The following TANGO6 variants were observed in gnomAD, a reference collection of about 807,000 sequenced individuals.
The protein encoded by TANGO6 is transport and Golgi organization protein 6 homolog.
Under a neutral mutation model 114.2 loss-of-function variants are expected in TANGO6, and 90 were observed. The ratio of observed to expected loss-of-function variants is 0.79; its 90% CI spans 0.66 to 0.94. The LOEUF (loss-of-function observed/expected upper bound fraction) is 0.94, where lower values mean the gene tolerates loss of function less well. TANGO6 is among the 40% of genes least tolerant of loss of function. TANGO6 has a pLI of 0.00. For missense variants in TANGO6, 1,274 were observed against 1,315.3 expected, an observed-to-expected ratio of 0.97 and a Z score of 0.49; for synonymous variants, 477 against 509.8, an observed-to-expected ratio of 0.94 and a Z score of 0.87.
chr16:68,941,232 A>G (rs1026835258), intron 14 of TANGO6, among the ~76,000 whole-genome samples: 1 of 152,156 alleles, frequency 6.6e-6, no homozygotes, highest in Non-Finnish European at 1.5e-5. Flanking sequence ...ACAAAAGTAC[A>G]CTCTGTCAAC....
intron 14 of TANGO6, among the ~76,000 whole-genome samples, chr16:68,968,597 TCA>T (rs1230536643): frequency 1.1e-4 from 16 of 151,686 alleles, no homozygotes; most frequent in Middle Eastern, 6.8e-3. Context: ...ACTCCTGACC[TCA>T]GGTGGTCCAC....
At chr16:68,903,648 G>A (rs538398728) in intron 9 of TANGO6, among the ~76,000 whole-genome samples, 7 of 143,992 alleles carry the variant, frequency 4.9e-5, no homozygotes, top group Non-Finnish European at 7.6e-5. Flanking sequence ...AGGACCAGGC[G>A]TGGTGGCTCA....
intron 14 of TANGO6, among the ~76,000 whole-genome samples, chr16:68,962,746 A>G (rs1021693722): frequency 1.3e-5 from 2 of 151,574 alleles, no homozygotes; most frequent in African/African-American, 4.8e-5. Flanking sequence ...GGGCAACAAG[A>G]GCAAAACTCT....
At chr16:68,967,944 T>C (rs933502020) in intron 14 of TANGO6, among the ~76,000 whole-genome samples, 1 of 152,150 alleles carries the variant, frequency 6.6e-6, no homozygotes, top group Non-Finnish European at 1.5e-5. Context: ...TGTGGGATCA[T>C]CTTGAAGTCA....
At chr16:69,009,381 C>G (rs1009646990) in intron 15 of TANGO6, among the ~76,000 whole-genome samples, 6 of 151,962 alleles carry the variant, frequency 3.9e-5, no homozygotes, top group African/African-American at 7.2e-5. Flanking sequence ...GCGCCTGGCC[C>G]GAGAGTTTAT....
chr16:68,992,770 T>TA (rs1425408193), intron 15 of TANGO6, among the ~76,000 whole-genome samples: 26 of 152,152 alleles, frequency 1.7e-4, no homozygotes, highest in Non-Finnish European at 1.5e-5. Context: ...TATTCTATGT[T>TA]AAAAAAGCAG....
intron 15 of TANGO6, among the ~76,000 whole-genome samples, chr16:69,005,584 G>A (rs1964085107): frequency 6.6e-6 from 1 of 152,138 alleles, no homozygotes. Flanking sequence ...TATCACCTGA[G>A]GTCAGAAGTT....
Position 68,974,011 on chromosome 16 carries a change from TTTGTTTTCAACCCCAG to T in TANGO6, c.2702-16_2702-1del. On this transcript the variant is annotated splice_acceptor_variant and splice_polypyrimidine_tract_variant and intron_variant, in intron 14 of 17. Transcript: ENST00000261778. LOFTEE classifies it high-confidence loss of function. ...CGTAAACAGTAATGAATCCTTTCTT[TTTGTTTTCAACCCCAG>T]GGGTTGCCCTGCTGTCAGACGTCTA... 2 of 1,587,776 alleles carry T rather than the reference TTTGTTTTCAACCCCAG, an allele frequency of 1.3e-6. No individual in the cohort carries two copies. Among genetic ancestry groups the T allele is most frequent in the Admixed American group, 3.7e-5 (2 of 54,402 alleles).
At chr16:69,080,077 A>G (rs1453365135) in intron 17 of TANGO6, among the ~76,000 whole-genome samples, 2 of 152,216 alleles carry the variant, frequency 1.3e-5, no homozygotes, top group South Asian at 2.1e-4. Flanking sequence ...TATTGCAGCA[A>G]TATTTGCAAT....
At chr16:68,897,835 C>T (rs1296981083) in intron 7 of TANGO6, among the ~76,000 whole-genome samples, 1 of 152,128 alleles carries the variant, frequency 6.6e-6, no homozygotes, top group Non-Finnish European at 1.5e-5. Flanking sequence ...GCCTCAGCCT[C>T]CCAAAGTGCT....
intron 15 of TANGO6, among the ~76,000 whole-genome samples, chr16:68,989,115 G>A (rs1455204375): frequency 2.4e-4 from 36 of 152,054 alleles, no homozygotes; most frequent in Admixed American, 2.4e-3. Context: ...TGCCCACCTT[G>A]GCCTCCCAAA....
At chr16:68,916,910 C>T (rs1012311494) in intron 11 of TANGO6, among the ~76,000 whole-genome samples, 5 of 152,146 alleles carry the variant, frequency 3.3e-5, no homozygotes, top group Non-Finnish European at 1.5e-5. Context: ...TACATTGACA[C>T]ATCACCACCC....
chr16:68,956,193 A>G (rs1219603594), intron 14 of TANGO6, among the ~76,000 whole-genome samples: 1 of 152,172 alleles, frequency 6.6e-6, no homozygotes, highest in Non-Finnish European at 1.5e-5. Context: ...TACATAGGGT[A>G]ACATATTTAA....
At chr16:68,936,893 C>T (rs941639108) in intron 14 of TANGO6, among the ~76,000 whole-genome samples, 1 of 152,120 alleles carries the variant, frequency 6.6e-6, no homozygotes, top group Non-Finnish European at 1.5e-5. Flanking sequence ...ATCTAGCCAT[C>T]TTGACATGCC....
intron 11 of TANGO6, among the ~76,000 whole-genome samples, chr16:68,912,760 G>A (rs1044018434): frequency 6.6e-6 from 1 of 151,354 alleles, no homozygotes; most frequent in African/African-American, 2.4e-5. Context: ...GGGACCAACA[G>A]AGCAGGAGAG....
chr16:68,948,826 T>A (rs1963442419), intron 14 of TANGO6, among the ~76,000 whole-genome samples: 1 of 152,188 alleles, frequency 6.6e-6, no homozygotes, highest in South Asian at 2.1e-4. Flanking sequence ...CTGCAGACAA[T>A]CATTAGTGTT....
chr16:68,848,909 C>T (rs1364300145), intron 1 of TANGO6, among the ~76,000 whole-genome samples: 4 of 151,968 alleles, frequency 2.6e-5, no homozygotes, highest in African/African-American at 9.7e-5. Context: ...AGTCTTTGAT[C>T]GACTCCTTGC....
chr16:68,915,000 C>CAT (rs1555523273), intron 11 of TANGO6, among the ~76,000 whole-genome samples: 2 of 138,842 alleles, frequency 1.4e-5, no homozygotes, highest in Non-Finnish European at 3.1e-5. Flanking sequence ...CACACACACA[C>CAT]ATATAGATAG....
intron 1 of TANGO6, among the ~76,000 whole-genome samples, chr16:68,856,794 A>G (rs1962001485): frequency 6.6e-6 from 1 of 152,226 alleles, no homozygotes; most frequent in South Asian, 2.1e-4. Flanking sequence ...CTCATACAGT[A>G]TAGTTTCACC....
Sources: gnomAD v4.1 joint callset for allele counts (sites outside exome capture counted in the v4.1 genomes callset) on GRCh38, gnomAD v4.1.1 for gene constraint, MANE v1.5 for transcripts, NCBI Gene and HGNC (gene_info 2026-07-23, HGNC 2026-07-21) for gene names.